The following MBTPS1 variants were observed in gnomAD, a reference collection of about 807,000 sequenced individuals.
The protein encoded by MBTPS1 is membrane-bound transcription factor site-1 protease.
In MBTPS1, 94 loss-of-function variants were observed where a neutral mutation model predicts 127.8. The ratio of observed to expected loss-of-function variants is 0.74; its 90% CI spans 0.62 to 0.87. The LOEUF is 0.87. Ranked by LOEUF, MBTPS1 falls within the 40% of genes least tolerant of loss-of-function variation. MBTPS1 has a pLI of 0.00. For missense variants in MBTPS1, 1,636 were observed against 1,353.2 expected, an observed-to-expected ratio of 1.21 and a Z score of -3.28; for synonymous variants, 632 against 509.4, an observed-to-expected ratio of 1.24 and a Z score of -3.24.
At chr16:84,085,579 C>G (rs948583584) in intron 9 of MBTPS1, among the ~76,000 whole-genome samples, 15 of 103,272 alleles carry the variant, frequency 1.5e-4, no homozygotes, top group Middle Eastern at 4.2e-3. Context: ...CCGCCCCCCC[C>G]CCAAAAAAAA....
chr16:84,097,354 C>T (rs1339016202), intron 3 of MBTPS1, among the ~76,000 whole-genome samples: 2 of 152,178 alleles, frequency 1.3e-5, no homozygotes, highest in African/African-American at 4.8e-5. Context: ...GACAGCCCCA[C>T]GAGGTAGGGA....
chr16:84,115,724 G>A (rs1272649458), intron 1 of MBTPS1, among the ~76,000 whole-genome samples: 1 of 152,172 alleles, frequency 6.6e-6, no homozygotes, highest in East Asian at 1.9e-4. Context: ...CTGTGGCGGG[G>A]CCTGGAAATG....
At chr16:84,088,541 T>C (rs954923342) in intron 8 of MBTPS1, among the ~76,000 whole-genome samples, 1 of 152,174 alleles carries the variant, frequency 6.6e-6, no homozygotes. Context: ...CACCCTCCTC[T>C]ACCTGCTAAG....
At chr16:84,093,486 C>T (rs966301046) in intron 5 of MBTPS1, among the ~76,000 whole-genome samples, 189 bp from the exon 6 acceptor site, 2 of 152,140 alleles carry the variant, frequency 1.3e-5, no homozygotes, top group African/African-American at 2.4e-5. Context: ...AGCCACTCCA[C>T]GCTCTCCGGG....
Position 84,074,717 on chromosome 16 carries a change from C to G in MBTPS1, c.1473G>C (p.Leu491=), listed in dbSNP as rs2085827233. 1 of 1,614,008 alleles carries G rather than the reference C, an allele frequency of 6.2e-7. No individual in the cohort carries two copies. Among genetic ancestry groups the G allele is most frequent in the African/African-American group, 1.3e-5 (1 of 75,054 alleles). Reference sequence around the variant, plus strand: ...AGGGCCACATGTAGGGACACTCAGTCAGATCTATGTAGCTGGGGCTCAAAC... The same window carrying G: ...AGGGCCACATGTAGGGACACTCAGTGAGATCTATGTAGCTGGGGCTCAAAC... ...QASLSPSYID[L]TECPYMWPYC... The change falls in exon 12 of 23, where the codon CTG becomes CTC. Residue 491 remains leucine (L), a synonymous_variant. Coordinates refer to ENST00000343411, the MANE Select transcript of MBTPS1 (RefSeq NM_003791.4).
intron 10 of MBTPS1, among the ~76,000 whole-genome samples, chr16:84,084,240 G>A (rs903008281): frequency 1.3e-5 from 2 of 152,278 alleles, no homozygotes; most frequent in East Asian, 1.9e-4. Flanking sequence ...TTACAGGTGT[G>A]AGCCACCGCA....
chr16:84,084,733 G>C (rs2085994141), intron 10 of MBTPS1, among the ~76,000 whole-genome samples: 1 of 152,192 alleles, frequency 6.6e-6, no homozygotes, highest in Non-Finnish European at 1.5e-5. Flanking sequence ...AAAGAAACAG[G>C]TTATTTTGCC....
chr16:84,086,788 G>A (rs747614385), intron 9 of MBTPS1, among the ~76,000 whole-genome samples: 4 of 152,282 alleles, frequency 2.6e-5, no homozygotes, highest in African/African-American at 7.2e-5. Context: ...CTGCACGAGC[G>A]TCTAATTTTT....
Position 84,081,794 on chromosome 16 carries a change from A to T in MBTPS1, c.1401T>A (p.Asp467Glu). The change falls in exon 11 of 23, where the codon GAT becomes GAA. Residue 467 changes from aspartate to glutamate, a missense_variant. Transcript: ENST00000343411. ...TGAGGATCTGATAGGCTCTGAGCAG[A>T]TCGAGCTTGCCGTGGCCTTGCTCAA... is the stretch of plus-strand genomic sequence containing the variant. ...NMFEQGHGKL[D>E]LLRAYQILNS... 1 of 1,522,914 alleles carries T rather than the reference A, an allele frequency of 6.6e-7. No individual in the cohort carries two copies. The allele number at this position is 1,522,914 out of a possible 1,614,324, so 94.3% of individuals were successfully genotyped here.
At chr16:84,066,988 A>G (rs559137117) in intron 16 of MBTPS1, among the ~76,000 whole-genome samples, 13 of 152,352 alleles carry the variant, frequency 8.5e-5, no homozygotes, top group South Asian at 6.2e-4. Flanking sequence ...GATTATGTTT[A>G]TAATACATTG....
intron 9 of MBTPS1, among the ~76,000 whole-genome samples, chr16:84,087,077 T>C (rs2086039009): frequency 6.6e-6 from 1 of 151,924 alleles, no homozygotes; most frequent in Non-Finnish European, 1.5e-5. Flanking sequence ...GGTGAGTTCC[T>C]CAGAAATCAA....
At chr16:84,059,482 G>A (rs1238953243) in intron 20 of MBTPS1, 54 bp from the exon 21 acceptor site, 7 of 1,565,814 alleles carry the variant, frequency 4.5e-6, no homozygotes, top group Admixed American at 3.5e-5. Context: ...TTACTAAAAT[G>A]CAAAGGAAAA....
intron 1 of MBTPS1, among the ~76,000 whole-genome samples, chr16:84,116,362 GA>G (rs1440149257): frequency 2.0e-5 from 3 of 152,194 alleles, no homozygotes; most frequent in African/African-American, 7.2e-5. Context: ...TGCACAGACC[GA>G]GATAAGGCAA....
At chr16:84,065,241 C>CT (rs1461685710) in intron 18 of MBTPS1, among the ~76,000 whole-genome samples, 1 of 151,940 alleles carries the variant, frequency 6.6e-6, no homozygotes, top group African/African-American at 2.4e-5. Context: ...CCTCAGCCTC[C>CT]TGAGTAGCTG....
intron 9 of MBTPS1, 88 bp from the exon 10 acceptor site, chr16:84,085,222 T>C: frequency 1.5e-6 from 2 of 1,306,634 alleles, no homozygotes; most frequent in Non-Finnish European, 2.2e-6. Flanking sequence ...AGAACAGAGA[T>C]ATGGGTTAGT....
In MBTPS1 at chr16:84,054,367, C is replaced by T. The variant is rs559624384; in HGVS notation, c.*82G>A. On this transcript the variant is annotated 3_prime_UTR_variant, in exon 23 of 23. Transcript: ENST00000343411. ...GCTGGAAACTGGATCCCTTTTAAAC[C>T]AGCCGCCACCACAGCTCGGCTCACC... 34 of 1,317,784 alleles carry T rather than the reference C, an allele frequency of 2.6e-5. No individual in the cohort carries two copies. The South Asian group carries it at 4.7e-4, about 18-fold the overall frequency. The allele number at this position is 1,317,784 out of a possible 1,614,324, so 81.6% of individuals were successfully genotyped here.
Position 84,093,746 on chromosome 16 carries a change from C to T in MBTPS1, c.701G>A (p.Arg234Lys), listed in dbSNP as rs773394608. 1.9e-6 allele frequency: 3 copies of T among 1,614,050 alleles called. No homozygotes were observed. Among genetic ancestry groups the T allele is most frequent in the Non-Finnish European group, 2.5e-6 (3 of 1,180,018 alleles). The change falls in exon 5 of 23, where the codon AGA becomes AAA. Residue 234 changes from arginine to lysine, a missense_variant. Coordinates refer to ENST00000343411, the MANE Select transcript of MBTPS1 (RefSeq NM_003791.4). ...CGTTCGCTCGTTGGTCCAGTTGGTT[C>T]TCTCCTTCACATTTTTGAAGTGGGG... Reference protein sequence around the residue: ...KHPHFKNVKERTNWTNERTLD... With the variant: ...KHPHFKNVKEKTNWTNERTLD...
chr16:84,106,631 A>G (rs1567505598), intron 1 of MBTPS1, among the ~76,000 whole-genome samples: 1 of 152,214 alleles, frequency 6.6e-6, no homozygotes, highest in Non-Finnish European at 1.5e-5. Flanking sequence ...AGGTCACAGA[A>G]AGGACTTCAG....
chr16:84,095,889 G>A (rs766335158), intron 3 of MBTPS1, 84 bp from the exon 4 acceptor site: 4 of 1,105,792 alleles, frequency 3.6e-6, no homozygotes, highest in Non-Finnish European at 5.4e-6. Flanking sequence ...CCTAAACACA[G>A]GGAGGATTAC....
Sources: gnomAD v4.1 joint callset for allele counts (sites outside exome capture counted in the v4.1 genomes callset) on GRCh38, gnomAD v4.1.1 for gene constraint, MANE v1.5 for transcripts, NCBI Gene and HGNC (gene_info 2026-07-23, HGNC 2026-07-21) for gene names.